TRDN: variants seen among roughly 807,000 people sequenced by gnomAD.
The protein encoded by TRDN is triadin in skeletal muscle.
TRDN carries 161 observed loss-of-function variants against 149.7 expected under a neutral mutation model. The observed-to-expected ratio is 1.08, with a 90% CI of 0.95 to 1.23. The LOEUF is 1.23. Among genes scored for constraint, TRDN ranks in the 50% most tolerant of loss-of-function variants. The pLI, the probability that TRDN is intolerant of heterozygous loss-of-function variation, is 0.00. For synonymous variants in TRDN, 294 were observed against 250.5 expected (o/e 1.17, Z -1.64); for missense variants, 896 against 823.5 (o/e 1.09, Z -1.08).
intron 1 of TRDN, among the ~76,000 whole-genome samples, chr6:123,582,126 C>T (rs960333466): frequency 1.3e-5 from 2 of 152,154 alleles, no homozygotes; most frequent in Non-Finnish European, 2.9e-5. Context: ...ATAATCAATA[C>T]ATGTACCCTA....
intron 10 of TRDN, among the ~76,000 whole-genome samples, chr6:123,447,533 C>A (rs1202336883): frequency 1.3e-5 from 2 of 152,054 alleles, no homozygotes; most frequent in Non-Finnish European, 2.9e-5. Context: ...AGCATGAACT[C>A]TGGATAGCAC....
chr6:123,317,671 A>T (rs1229901724), intron 23 of TRDN, among the ~76,000 whole-genome samples: 4 of 152,044 alleles, frequency 2.6e-5, no homozygotes, highest in Non-Finnish European at 5.9e-5. Flanking sequence ...GTATTATAGA[A>T]AATTTTGTTA....
In TRDN at chr6:123,350,999, A is replaced by G. The variant is rs1165817477; in HGVS notation, c.1369+1540T>C. The G allele has an allele frequency of 6.1e-6, 6 of 984,482 alleles. No individual in the cohort carries two copies. In the African/African-American group the frequency reaches 8.7e-5, roughly 14 times the overall value. The allele number at this position is 984,482 out of a possible 1,614,324, so 61.0% of individuals were successfully genotyped here. A position where few individuals can be genotyped will look rare whatever the true frequency, so the allele number is the denominator to read the frequency against. On this transcript the variant is annotated intron_variant, in intron 21 of 40. Coordinates refer to ENST00000334268, the MANE Select transcript of TRDN (RefSeq NM_006073.4). Reference sequence around the variant, plus strand: ...ATGTGATGATCAGAAGAAAGAAACAATGTTTTCAAATCAATTGTCTGTTTG... The same window carrying G: ...ATGTGATGATCAGAAGAAAGAAACAGTGTTTTCAAATCAATTGTCTGTTTG...
chr6:123,533,525 T>G (rs2114355748), intron 4 of TRDN, among the ~76,000 whole-genome samples: 1 of 152,166 alleles, frequency 6.6e-6, no homozygotes, highest in South Asian at 2.1e-4. Context: ...TAGTAGGGTT[T>G]CCTGCAAGGT....
In TRDN at chr6:123,633,446, C is replaced by A. The variant is rs537778833; in HGVS notation, c.22+3308G>T. On this transcript the variant is annotated intron_variant, in intron 1 of 40. Coordinates refer to ENST00000334268, the MANE Select transcript of TRDN (RefSeq NM_006073.4). ...TATATCACATACAGTTGTGTGAATT[C>A]TAGCACATTCTTTAAACTCTCTCAA... Among the ~76,000 whole-genome samples the A allele has an allele frequency of 1.1e-3, 174 of 152,098 alleles. 1 individual carries two copies. Among genetic ancestry groups the A allele is most frequent in the South Asian group, 2.9e-3 (14 of 4,820 alleles).
chr6:123,634,891 T>C (rs1786213273), intron 1 of TRDN, among the ~76,000 whole-genome samples: 2 of 152,112 alleles, frequency 1.3e-5, no homozygotes, highest in East Asian at 1.9e-4. Context: ...ACTAATGTAA[T>C]TATTTTTATG....
rs71649806 is a variant in TRDN, at chr6:123,304,252, C to CTTTTTTTTTTTT, written c.1510+12193_1510+12204dup. 1.6e-5 allele frequency among the ~76,000 whole-genome samples: 2 copies of CTTTTTTTTTTTT among 128,954 alleles called. 1 individual carries two copies. The allele number at this position is 128,954 out of a possible 152,430, so 84.6% of individuals were successfully genotyped here. A position where few individuals can be genotyped will look rare whatever the true frequency, so the allele number is the denominator to read the frequency against. On this transcript the variant is annotated intron_variant, in intron 24 of 40. Transcript: ENST00000334268. ...ATGAATATTAATTTTCTTTTATTTT[C>CTTTTTTTTTTTT]TTTTTTTTTTTTTTTTTTTGAGACG...
At chr6:123,283,674 T>A (rs1777685200) in intron 24 of TRDN, among the ~76,000 whole-genome samples, 1 of 151,208 alleles carries the variant, frequency 6.6e-6, no homozygotes, top group Non-Finnish European at 1.5e-5. Flanking sequence ...ATGAACACCT[T>A]TACACACACA....
At chr6:123,586,308 C>G (rs1783478710) in intron 1 of TRDN, among the ~76,000 whole-genome samples, 1 of 151,902 alleles carries the variant, frequency 6.6e-6, no homozygotes. Context: ...GGACCGGAGG[C>G]TGAGGAAGAA....
chr6:123,326,354 T>C (rs1024389913), intron 23 of TRDN, among the ~76,000 whole-genome samples: 2 of 152,082 alleles, frequency 1.3e-5, no homozygotes, highest in African/African-American at 4.8e-5. Flanking sequence ...ATATAGAGTC[T>C]TATATTCTAA....
intron 22 of TRDN, among the ~76,000 whole-genome samples, chr6:123,334,361 A>C (rs1779785321): frequency 6.6e-6 from 1 of 152,076 alleles, no homozygotes; most frequent in Non-Finnish European, 1.5e-5. Flanking sequence ...GAAACCTAAA[A>C]GTGCTATTAT....
chr6:123,218,762 T>C, intron 40 of TRDN, 22 bp from the exon 41 acceptor site: 1 of 1,549,514 alleles, frequency 6.5e-7, no homozygotes, highest in East Asian at 2.4e-5. Context: ...AGCATGACAG[T>C]TTGTTAAAAC....
intron 10 of TRDN, among the ~76,000 whole-genome samples, chr6:123,454,964 A>G (rs1776017728): frequency 6.6e-6 from 1 of 152,176 alleles, no homozygotes; most frequent in Admixed American, 6.5e-5. Context: ...AGATGATCAC[A>G]AACCCTGTTT....
intron 12 of TRDN, among the ~76,000 whole-genome samples, chr6:123,407,932 C>A (rs1773263480): frequency 6.6e-6 from 1 of 152,154 alleles, no homozygotes; most frequent in African/African-American, 2.4e-5. Flanking sequence ...TAGGAAGTAG[C>A]AATATTGTAA....
Position 123,548,608 on chromosome 6 carries a change from G to T in TRDN, c.237C>A (p.Ser79Arg). The change falls in exon 3 of 41, where the codon AGC becomes AGA. Residue 79 changes from serine (S) to arginine (R), a missense_variant. Transcript: ENST00000334268. ...GATCTGAGCCAATCTTGGCAATAGAGCTTGCTAAAAGTAATTAAAAAAAAA... is the reference window on the plus strand; with the variant it reads ...GATCTGAGCCAATCTTGGCAATAGATCTTGCTAAAAGTAATTAAAAAAAAA... ...DLVDYKNFSA[S>R]SIAKIGSDPL... is the part of the protein sequence containing the mutation. 1 of 1,393,196 alleles carries T rather than the reference G, an allele frequency of 7.2e-7. No homozygotes were observed. Among genetic ancestry groups the T allele is most frequent in the Non-Finnish European group, 9.3e-7 (1 of 1,074,158 alleles). The allele number at this position is 1,393,196 out of a possible 1,614,324, so 86.3% of individuals were successfully genotyped here.
At chr6:123,392,929 A>G (rs956984483) in intron 13 of TRDN, among the ~76,000 whole-genome samples, 3 of 152,058 alleles carry the variant, frequency 2.0e-5, no homozygotes, top group African/African-American at 4.8e-5. Flanking sequence ...TTGATATTAT[A>G]TAATCTAGCA....
chr6:123,285,857 G>A (rs538672743), intron 24 of TRDN, among the ~76,000 whole-genome samples: 6 of 151,892 alleles, frequency 4.0e-5, no homozygotes, highest in Admixed American at 3.3e-4. Flanking sequence ...TCAAAAAGTG[G>A]GCTAAGGACA....
intron 40 of TRDN, among the ~76,000 whole-genome samples, chr6:123,219,660 G>A (rs1163985797): frequency 6.6e-6 from 1 of 151,738 alleles, no homozygotes; most frequent in African/African-American, 2.4e-5. Context: ...TGGGTCACTG[G>A]GTTTTCAGGG....
intron 1 of TRDN, among the ~76,000 whole-genome samples, chr6:123,614,106 G>A (rs1249456999): frequency 6.6e-6 from 1 of 151,772 alleles, no homozygotes; most frequent in Non-Finnish European, 1.5e-5. Context: ...TAGGAATGCA[G>A]GTTCTCAGGC....
Sources: gnomAD v4.1 joint callset for allele counts (sites outside exome capture counted in the v4.1 genomes callset) on GRCh38, gnomAD v4.1.1 for gene constraint, MANE v1.5 for transcripts, NCBI Gene and HGNC (gene_info 2026-07-23, HGNC 2026-07-21) for gene names.